The following WDPCP variants were observed in gnomAD, a reference collection of about 807,000 sequenced individuals.
WDPCP encodes the protein WD repeat-containing and planar cell polarity effector protein fritz homolog.
A neutral mutation model predicts 93.1 loss-of-function variants in WDPCP; 71 were observed. The observed-to-expected ratio is 0.76, with a 90% CI of 0.63 to 0.93. WDPCP has a LOEUF of 0.93. Among genes scored for constraint, WDPCP ranks in the 40% least tolerant of loss-of-function variants. WDPCP has a pLI of 0.00. For synonymous variants in WDPCP, 315 were observed against 315.0 expected (o/e 1.00, Z 0.00); for missense variants, 844 against 887.4 (o/e 0.95, Z 0.62).
chr2:63,514,005 T>C (rs894659603), intron 1 of WDPCP, among the ~76,000 whole-genome samples: 4 of 152,162 alleles, frequency 2.6e-5, no homozygotes, highest in African/African-American at 9.7e-5. Context: ...TATCACCCCT[T>C]GCTCTCTCTC....
At chr2:63,731,221 A>G (rs1401518679) in intron 2 of WDPCP, among the ~76,000 whole-genome samples, 1 of 149,898 alleles carries the variant, frequency 6.7e-6, no homozygotes, top group Non-Finnish European at 1.5e-5. Flanking sequence ...GTGAGCTGAG[A>G]TTGCGACACT....
At chr2:63,749,120 A>G (rs550565706) in intron 2 of WDPCP, among the ~76,000 whole-genome samples, 9 of 152,046 alleles carry the variant, frequency 5.9e-5, no homozygotes, top group Non-Finnish European at 1.2e-4. Flanking sequence ...GGATGGGTTT[A>G]TTTCCAGGTC....
chr2:63,504,658 CCT>C (rs1391010118), intron 1 of WDPCP, among the ~76,000 whole-genome samples: 3 of 151,856 alleles, frequency 2.0e-5, no homozygotes, highest in Non-Finnish European at 2.9e-5. Context: ...CCTTTTGACC[CCT>C]GAGACAAATG....
intron 12 of WDPCP, among the ~76,000 whole-genome samples, chr2:63,341,538 A>C (rs1688839905): frequency 6.6e-6 from 1 of 152,146 alleles, no homozygotes; most frequent in Admixed American, 6.5e-5. Context: ...TTATGTATCT[A>C]TTGGGTGTCG....
chr2:63,752,663 C>T, intron 2 of WDPCP: 1 of 432,136 alleles, frequency 2.3e-6, no homozygotes, highest in South Asian at 4.1e-5. Context: ...GCAACTCTTC[C>T]TTGGTAGCGA....
intron 9 of WDPCP, among the ~76,000 whole-genome samples, chr2:63,419,405 G>T (rs1219546040): frequency 1.3e-5 from 2 of 152,162 alleles, no homozygotes; most frequent in East Asian, 1.9e-4. Flanking sequence ...CTCCCAAAGT[G>T]CTGGGATTAC....
chr2:63,835,423 G>A, the WDPCP span, among the ~76,000 whole-genome samples: 3 of 147,228 alleles, frequency 2.0e-5, no homozygotes, highest in Admixed American at 6.8e-5. Context: ...GAAGAAAACA[G>A]TATTACTAGA....
chr2:63,832,643 A>G (rs1236191769), upstream of WDPCP, among the ~76,000 whole-genome samples: 1 of 152,178 alleles, frequency 6.6e-6, no homozygotes, highest in African/African-American at 2.4e-5. Flanking sequence ...ATAATGGGAA[A>G]ACTCTAATAT....
At chr2:63,637,576 C>CA (rs1322728425) in intron 3 of WDPCP, among the ~76,000 whole-genome samples, 5 of 151,680 alleles carry the variant, frequency 3.3e-5, no homozygotes, top group Admixed American at 6.6e-5. Context: ...AACAGACAAA[C>CA]AAAAAAACAA....
chr2:63,785,463 C>T (rs992667443), intron 2 of WDPCP, among the ~76,000 whole-genome samples: 7 of 152,084 alleles, frequency 4.6e-5, no homozygotes, highest in Middle Eastern at 3.4e-3. Context: ...AAATTAAGAA[C>T]GTGTAAATAT....
At chr2:63,512,293 G>A (rs781259533) in intron 1 of WDPCP, among the ~76,000 whole-genome samples, 3 of 152,152 alleles carry the variant, frequency 2.0e-5, no homozygotes, top group Non-Finnish European at 2.9e-5. Flanking sequence ...ACTGTTGGTG[G>A]GAGTGTAAAT....
intron 2 of WDPCP, chr2:63,751,761 T>C (rs1669886384): frequency 1.7e-6 from 1 of 593,090 alleles, no homozygotes; most frequent in African/African-American, 1.8e-5. Context: ...GTTTTGTGGT[T>C]TGGCAAAGTA....
At chr2:63,482,651 G>A (rs1300538963) in intron 6 of WDPCP, among the ~76,000 whole-genome samples, 3 of 151,980 alleles carry the variant, frequency 2.0e-5, no homozygotes, top group African/African-American at 7.2e-5. Flanking sequence ...ACTAGAAACT[G>A]AAGAAGTGAA....
intron 6 of WDPCP, among the ~76,000 whole-genome samples, chr2:63,454,123 A>G (rs536047827): frequency 1.6e-3 from 230 of 146,572 alleles, no homozygotes; most frequent in Middle Eastern, 6.9e-3. Flanking sequence ...TATATATATT[A>G]AAAAAAAGAA....
At chr2:63,364,210 T>A (rs1051070592) in intron 12 of WDPCP, among the ~76,000 whole-genome samples, 2 of 152,174 alleles carry the variant, frequency 1.3e-5, no homozygotes, top group African/African-American at 4.8e-5. Context: ...TAAGCAGTTT[T>A]TTCACGAAGG....
chr2:63,597,517 G>A (rs755619315), intron 3 of WDPCP: 5 of 1,508,450 alleles, frequency 3.3e-6, no homozygotes, highest in Non-Finnish European at 4.5e-6. Context: ...AAGCAAATGT[G>A]AAAATCTTCA....
intron 14 of WDPCP, among the ~76,000 whole-genome samples, chr2:63,202,498 A>T (rs1675993883): frequency 6.6e-6 from 1 of 151,890 alleles, no homozygotes; most frequent in Non-Finnish European, 1.5e-5. Context: ...TGTTGTTTAG[A>T]TTTTCTATTT....
intron 1 of WDPCP, among the ~76,000 whole-genome samples, chr2:63,530,453 TTATGTAC>T (rs1225215584): frequency 6.6e-6 from 1 of 152,210 alleles, no homozygotes; most frequent in Non-Finnish European, 1.5e-5. Flanking sequence ...CAGGTATGCT[TTATGTAC>T]GGTATAAAAG....
intron 13 of WDPCP, among the ~76,000 whole-genome samples, chr2:63,287,543 C>G (rs1684102342): frequency 6.6e-6 from 1 of 152,176 alleles, no homozygotes; most frequent in South Asian, 2.1e-4. Flanking sequence ...TGGTAGCAAT[C>G]TTCTCCTCTT....
Sources: allele counts gnomAD v4.1 joint callset (sites outside exome capture counted in the v4.1 genomes callset), GRCh38; gene constraint gnomAD v4.1.1; transcripts MANE v1.5; gene names NCBI Gene and HGNC (gene_info 2026-07-23, HGNC 2026-07-21).